PAPSS2: variants seen among roughly 807,000 people sequenced by gnomAD.
PAPSS2 encodes the protein 3'-phosphoadenosine 5'-phosphosulfate synthase 2.
Under a neutral mutation model 66.5 loss-of-function variants are expected in PAPSS2, and 61 were observed. The ratio of observed to expected loss-of-function variants is 0.92; its 90% CI spans 0.75 to 1.14. The LOEUF (loss-of-function observed/expected upper bound fraction) is 1.14. Ranked by LOEUF, PAPSS2 falls within the 50% of genes most tolerant of loss-of-function variation. PAPSS2 has a pLI of 0.00. For missense variants in PAPSS2, 708 were observed against 789.6 expected, an observed-to-expected ratio of 0.90 and a Z score of 1.24; for synonymous variants, 289 against 287.5, an observed-to-expected ratio of 1.01 and a Z score of -0.05.
At chr10:87,665,350 T>A (rs553215157) in intron 1 of PAPSS2, among the ~76,000 whole-genome samples, 2 of 152,286 alleles carry the variant, frequency 1.3e-5, no homozygotes, top group African/African-American at 4.8e-5. Flanking sequence ...TAGCTGGAAC[T>A]ACAGGTGCCT....
chr10:87,665,132 T>C (rs1852798854), intron 1 of PAPSS2, among the ~76,000 whole-genome samples: 1 of 152,202 alleles, frequency 6.6e-6, no homozygotes, highest in Non-Finnish European at 1.5e-5. Flanking sequence ...TGAATGACTT[T>C]GTTTTCAGAG....
chr10:87,745,023 C>G lies in PAPSS2; in HGVS notation c.1513C>G (p.Arg505Gly). ...CTAGGTCCAGTGGCACTGCAGGTCC[C>G]GGATGATTGCGGGTGCCAATTTCTA... Reference protein sequence around the residue: ...PTEVQWHCRSRMIAGANFYIV... With the variant: ...PTEVQWHCRSGMIAGANFYIV... Residue 505 changes from arginine (R) to glycine (G), a missense_variant, in exon 12 of 13, where the codon CGG (arginine) becomes GGG (glycine). Physicochemically the swap from Arg to Gly is moderately radical, Grantham distance 125. Transcript: ENST00000456849. 1 of 1,614,048 alleles carries G rather than the reference C, an allele frequency of 6.2e-7. No homozygotes were observed.
intron 1 of PAPSS2, among the ~76,000 whole-genome samples, chr10:87,679,603 G>A (rs973885337): frequency 1.3e-5 from 2 of 152,086 alleles, no homozygotes; most frequent in Admixed American, 6.5e-5. Context: ...AAAATTACAT[G>A]CCAATTTTTT....
At chr10:87,668,820 G>A (rs1852843247) in intron 1 of PAPSS2, among the ~76,000 whole-genome samples, 2 of 152,082 alleles carry the variant, frequency 1.3e-5, no homozygotes, top group Admixed American at 6.6e-5. Flanking sequence ...TGGCTTGACT[G>A]GGTGGGGATA....
chr10:87,662,629 AAAG>A (rs1410236172), intron 1 of PAPSS2, among the ~76,000 whole-genome samples: 1 of 136,300 alleles, frequency 7.3e-6, no homozygotes, highest in Non-Finnish European at 1.5e-5. Context: ...AGGGGACTGG[AAAG>A]AAGGGAAGGC....
chr10:87,718,135 C>G (rs1000907085), intron 7 of PAPSS2, among the ~76,000 whole-genome samples: 1 of 151,870 alleles, frequency 6.6e-6, no homozygotes, highest in South Asian at 2.1e-4. Flanking sequence ...CTCTGCCTCC[C>G]GGGTTCAAGC....
chr10:87,734,706 T>TATAA (rs1853776095), intron 9 of PAPSS2, among the ~76,000 whole-genome samples: 3 of 134,956 alleles, frequency 2.2e-5, no homozygotes, highest in Admixed American at 1.5e-4. Flanking sequence ...TATATATATA[T>TATAA]GTATGTATTC....
intron 9 of PAPSS2, among the ~76,000 whole-genome samples, chr10:87,734,663 G>GTATATATATATA (rs66686947): frequency 4.9e-4 from 40 of 81,098 alleles, no homozygotes; most frequent in Non-Finnish European, 7.5e-4. Context: ...GAATGTGTGT[G>GTATATATATATA]TATATATATA....
chr10:87,743,744 G>A lies in PAPSS2; in HGVS notation c.1491+103G>A, dbSNP rs1853902803. On this transcript the variant is annotated intron_variant, in intron 11 of 12. Transcript: ENST00000456849. ...TGGGATCCTTTCTGTTTCCTCATGA[G>A]CAGATTCTGGAATGTTCTGGTGTCT... The A allele has an allele frequency of 3.0e-6, 4 of 1,319,560 alleles. No homozygotes were observed. In the South Asian group the frequency reaches 3.6e-5, roughly 12 times the overall value. 81.7% of individuals were successfully genotyped at this position (1,319,560 alleles called of 1,614,324 possible). A position where few individuals can be genotyped will look rare whatever the true frequency, so the allele number is the denominator to read the frequency against.
intron 1 of PAPSS2, among the ~76,000 whole-genome samples, chr10:87,670,447 G>A (rs1852862040): frequency 6.6e-6 from 1 of 152,130 alleles, no homozygotes; most frequent in Non-Finnish European, 1.5e-5. Flanking sequence ...ATTAGGGAGC[G>A]TTGTCTCCTT....
rs191496325 is a variant in PAPSS2, at chr10:87,683,349, G to A, written c.27+23341G>A. On this transcript the variant is annotated intron_variant, in intron 1 of 12. Transcript: ENST00000456849. ...CTCAGGTGATCCACCCACCTCAGGT[G>A]ATCCGCCCACCTCAGCCTCCCAAAG... Among the ~76,000 whole-genome samples the A allele has an allele frequency of 2.8e-4, 42 of 152,058 alleles. No homozygotes were observed. The East Asian group carries it at 8.0e-3, about 29-fold the overall frequency.
In PAPSS2 at chr10:87,683,321, GACCTCAGGTGATCCACCC is replaced by G. The variant is rs770613274; in HGVS notation, c.27+23328_27+23345del. 2.6e-3 allele frequency among the ~76,000 whole-genome samples: 396 copies of G among 152,204 alleles called. 1 individual carries two copies. The highest frequency in any genetic ancestry group is 4.6e-3 in the Admixed American group (70 of 15,292). The stretch of plus-strand genomic sequence containing the variant: ...TTCGCCAGGCTGGTCTTGAACTCCT[GACCTCAGGTGATCCACCC>G]ACCTCAGGTGATCCGCCCACCTCAG... On this transcript the variant is annotated intron_variant, in intron 1 of 12. Transcript: ENST00000456849.
At chr10:87,696,783 G>A (rs7081910) in intron 1 of PAPSS2, among the ~76,000 whole-genome samples, 8,088 of 152,240 alleles carry the variant, frequency 0.053, 577 homozygotes, top group African/African-American at 0.17. Context: ...TTAGGTTTTC[G>A]TGATTTTGTT....
At chr10:87,710,835 T>C (rs956860115) in intron 2 of PAPSS2, among the ~76,000 whole-genome samples, 21 of 152,000 alleles carry the variant, frequency 1.4e-4, no homozygotes, top group African/African-American at 4.8e-4. Context: ...ACCCTGTCTC[T>C]CTACTAAGAA....
intron 1 of PAPSS2, among the ~76,000 whole-genome samples, chr10:87,694,485 T>A (rs1410782936): frequency 6.6e-6 from 1 of 151,870 alleles, no homozygotes; most frequent in African/African-American, 2.4e-5. Context: ...GGAGAACAGG[T>A]GGTATGTGGA....
At chr10:87,660,995 G>A (rs1250661575) in intron 1 of PAPSS2, 1 of 456,018 alleles carries the variant, frequency 2.2e-6, no homozygotes. Flanking sequence ...TCAGATGATT[G>A]TACTGGTTAC....
At chr10:87,683,863 T>C (rs4298809) in intron 1 of PAPSS2, among the ~76,000 whole-genome samples, 12,918 of 152,052 alleles carry the variant, frequency 0.085, 803 homozygotes, top group East Asian at 0.33. Flanking sequence ...TTGGCTAATT[T>C]TTAAAATTTT....
intron 1 of PAPSS2, among the ~76,000 whole-genome samples, chr10:87,677,453 A>G (rs560814365): frequency 1.8e-4 from 27 of 152,322 alleles, no homozygotes; most frequent in African/African-American, 5.8e-4. Flanking sequence ...TAATTCTCCT[A>G]TGCAACTATC....
At position 87,714,124 on chromosome 10, in the gene PAPSS2, T is replaced by C. The variant is rs1456706487; in HGVS notation, c.462T>C (p.Ile154=). 1 of 1,613,818 alleles carries C rather than the reference T, an allele frequency of 6.2e-7. No individual in the cohort carries two copies. Among genetic ancestry groups the C allele is most frequent in the Non-Finnish European group, 8.5e-7 (1 of 1,179,916 alleles). ...TATTTGTAGATGCACCTCTAAATAT[T>C]TGTGAAAGCAGAGACGTAAAAGGCC... is the stretch of plus-strand genomic sequence containing the variant. ...FEIFVDAPLN[I]CESRDVKGLY... is the part of the protein sequence containing the mutation. The change falls in exon 4 of 13, where the codon ATT becomes ATC. Residue 154 remains isoleucine (I), a synonymous_variant. Coordinates refer to ENST00000456849, the MANE Select transcript of PAPSS2 (RefSeq NM_001015880.2).
Sources: gnomAD v4.1 joint callset for allele counts (sites outside exome capture counted in the v4.1 genomes callset) on GRCh38, gnomAD v4.1.1 for gene constraint, MANE v1.5 for transcripts, NCBI Gene and HGNC (gene_info 2026-07-23, HGNC 2026-07-21) for gene names.